Variants in PI4KB observed in about 807,000 individuals in gnomAD.
PI4KB encodes phosphatidylinositol 4-kinase beta.
A neutral mutation model predicts 81.4 loss-of-function variants in PI4KB; 23 were observed. That is an observed-to-expected ratio of 0.28 (90% confidence interval 0.20 to 0.40). PI4KB has a LOEUF of 0.40. Ranked by LOEUF, PI4KB falls within the 10% of genes least tolerant of loss-of-function variation. PI4KB has a pLI of 1.00. For missense variants in PI4KB, 651 were observed against 1,036.6 expected (o/e 0.63, Z 5.11); for synonymous variants, 381 against 406.8 (o/e 0.94, Z 0.76).
chr1:151,303,111 G>A (rs1301203885), intron 6 of PI4KB, among the ~76,000 whole-genome samples: 2 of 147,718 alleles, frequency 1.4e-5, no homozygotes, highest in Non-Finnish European at 3.0e-5. Flanking sequence ...TCATTCTCCT[G>A]CCTCAGCCTC....
intron 9 of PI4KB, among the ~76,000 whole-genome samples, chr1:151,295,080 G>C (rs1484176209): frequency 1.3e-5 from 2 of 152,126 alleles, no homozygotes; most frequent in Non-Finnish European, 2.9e-5. Context: ...GGCTTCAAGG[G>C]GTAAGTTTTA....
At chr1:151,304,987 G>T (rs1454058089) in intron 5 of PI4KB, among the ~76,000 whole-genome samples, 1 of 151,868 alleles carries the variant, frequency 6.6e-6, no homozygotes, top group Admixed American at 6.6e-5. Context: ...ATGCCACCAC[G>T]CCCGGCTAAT....
At chr1:151,311,264 C>T (rs181328947) in intron 2 of PI4KB, among the ~76,000 whole-genome samples, 8 of 150,722 alleles carry the variant, frequency 5.3e-5, no homozygotes, top group Admixed American at 4.0e-4. Flanking sequence ...TTGTGGGGGA[C>T]GTTGAGGTCG....
chr1:151,306,150 C>T lies in PI4KB; in HGVS notation c.1396G>A (p.Glu466Lys), dbSNP rs934121209. The T allele has an allele frequency of 7.4e-6, 12 of 1,613,766 alleles. No individual in the cohort carries two copies. Among genetic ancestry groups the T allele is most frequent in the South Asian group, 1.1e-5 (1 of 91,086 alleles). ...AGCCCTCTCACCTCCACTTGCAGCT[C>T]GCCTATGTCATCCACCGACCAGGCC... ...DEAWSVDDIG[E>K]LQVELPEVHT... is the part of the protein sequence containing the mutation. The change falls in exon 5 of 12, where the codon GAG (glutamate) becomes AAG (lysine). Residue 466 changes from glutamate (E) to lysine (K), a missense_variant. Coordinates refer to ENST00000368873, the MANE Select transcript of PI4KB (RefSeq NM_001369623.2).
chr1:151,324,465 G>C (rs1381922131), intron 1 of PI4KB, among the ~76,000 whole-genome samples: 4 of 152,086 alleles, frequency 2.6e-5, no homozygotes, highest in Non-Finnish European at 4.4e-5. Context: ...AGAAACTCAG[G>C]GCCAGGCAGT....
chr1:151,309,225 T>G (rs1266008725), intron 3 of PI4KB, among the ~76,000 whole-genome samples: 1 of 152,222 alleles, frequency 6.6e-6, no homozygotes, highest in Non-Finnish European at 1.5e-5. Context: ...TCCACTCAGA[T>G]GGCAACTGAT....
intron 2 of PI4KB, among the ~76,000 whole-genome samples, chr1:151,310,571 T>A (rs1317072832): frequency 1.3e-5 from 2 of 152,148 alleles, no homozygotes; most frequent in Non-Finnish European, 2.9e-5. Context: ...GCTCTAAAGC[T>A]GGGTCCCTAG....
intron 4 of PI4KB, 175 bp from the exon 5 acceptor site, chr1:151,306,538 A>G (rs1024074604): frequency 4.0e-5 from 24 of 598,686 alleles, no homozygotes; most frequent in Non-Finnish European, 5.4e-5. Context: ...ATGATCACCT[A>G]TGTAAAGAAT....
At chr1:151,324,850 C>T in intron 1 of PI4KB, 1 of 985,292 alleles carries the variant, frequency 1.0e-6, no homozygotes, top group Non-Finnish European at 1.2e-6. Flanking sequence ...ACCTCTTCCC[C>T]AAATCAAGGA....
chr1:151,298,897 G>A lies in PI4KB; in HGVS notation c.1926C>T (p.Thr642=), dbSNP rs371124316. Reference sequence around the variant, plus strand: ...GCTGTGCACTGAGGAATGCCTCAGTGGTGTAACTGCCGTGCTCCTGTAGGA... The same window carrying A: ...GCTGTGCACTGAGGAATGCCTCAGTAGTGTAACTGCCGTGCTCCTGTAGGA... The part of the protein sequence containing the change: ...DYFLQEHGSY[T]TEAFLSAQRN... Residue 642 remains threonine, a synonymous_variant, in exon 9 of 12, where the codon ACC becomes ACT. Transcript: ENST00000368873. The A allele has an allele frequency of 1.2e-6, 2 of 1,614,054 alleles. No homozygotes were observed. Among genetic ancestry groups the A allele is most frequent in the Non-Finnish European group, 1.7e-6 (2 of 1,179,998 alleles).
At position 151,327,347 on chromosome 1, in the gene PI4KB, C is replaced by A. The variant is rs942483077; in HGVS notation, c.-105G>T. 5.0e-6 allele frequency: 2 copies of A among 397,716 alleles called. No homozygotes were observed. The highest frequency in any genetic ancestry group is 8.9e-6 in the Non-Finnish European group (2 of 225,712). The allele number at this position is 397,716 out of a possible 1,614,324, so 24.6% of individuals were successfully genotyped here. A position where few individuals can be genotyped will look rare whatever the true frequency, so the allele number is the denominator to read the frequency against. ...ACACTGCCGCCTCAGCAGCAGCGAC[C>A]GCTCCCGGGTTCCATTGGCCGCCTG... On this transcript the variant is annotated 5_prime_UTR_variant, in exon 1 of 12. Coordinates refer to ENST00000368873, the MANE Select transcript of PI4KB (RefSeq NM_001369623.2).
chr1:151,293,284 C>T, intron 11 of PI4KB: 1 of 1,392,044 alleles, frequency 7.2e-7, no homozygotes, highest in Non-Finnish European at 9.4e-7. Context: ...CCACATCTCC[C>T]TCAGTAAGGG....
intron 9 of PI4KB, among the ~76,000 whole-genome samples, chr1:151,295,488 G>C (rs1418765855): frequency 6.6e-6 from 1 of 152,234 alleles, no homozygotes; most frequent in East Asian, 1.9e-4. Flanking sequence ...TACAGGTGAA[G>C]AAAACAGAGG....
At chr1:151,326,002 C>A (rs1463758773) in intron 1 of PI4KB, among the ~76,000 whole-genome samples, 1 of 152,098 alleles carries the variant, frequency 6.6e-6, no homozygotes, top group Non-Finnish European at 1.5e-5. Flanking sequence ...CCAGTTATAC[C>A]CTTACCCCAC....
At chr1:151,326,142 A>T (rs769141466) in intron 1 of PI4KB, 7 of 1,609,894 alleles carry the variant, frequency 4.3e-6, no homozygotes, top group Non-Finnish European at 6.0e-6. Context: ...AAAAGCCTAA[A>T]ATTAAATAAT....
intron 1 of PI4KB, among the ~76,000 whole-genome samples, chr1:151,317,949 T>A (rs1472811379): frequency 6.6e-6 from 1 of 151,704 alleles, no homozygotes; most frequent in Non-Finnish European, 1.5e-5. Context: ...GCTAGGACTT[T>A]AGGTGTGTGC....
intron 1 of PI4KB, among the ~76,000 whole-genome samples, chr1:151,316,846 G>A (rs983850882): frequency 2.0e-5 from 3 of 152,048 alleles, no homozygotes; most frequent in Non-Finnish European, 4.4e-5. Context: ...TTGTTGAGAC[G>A]GAGTCTCGCT....
rs755382996 is a variant in PI4KB, at chr1:151,294,082, T to C, written c.2205A>G (p.Gln735=). 1 of 1,614,104 alleles carries C rather than the reference T, an allele frequency of 6.2e-7. No individual in the cohort carries two copies. The change falls in exon 11 of 12, where the codon CAA becomes CAG. Residue 735 remains glutamine (Q), a synonymous_variant. Coordinates refer to ENST00000368873, the MANE Select transcript of PI4KB (RefSeq NM_001369623.2). ...TGTGTTTCCGAGCGGCAATCAGCCC[T>C]TGCAGCATCAGCATCTTATAGTAGT... is the stretch of plus-strand genomic sequence containing the variant. The part of the protein sequence containing the change: ...MFNYYKMLML[Q]GLIAARKHMD...
rs1357061050 is a variant in PI4KB at position 151,315,723 on chromosome 1, C to T, written c.759G>A (p.Glu253=). 2.5e-6 allele frequency: 4 copies of T among 1,614,088 alleles called. No individual in the cohort carries two copies. The highest frequency in any genetic ancestry group is 3.3e-5 in the Admixed American group (2 of 60,004). The change falls in exon 2 of 12, where the codon GAG becomes GAA. Residue 253 remains glutamate, a synonymous_variant. Transcript: ENST00000368873. ...DELKPAHRKR[E]LPSLSPAPDT... ...CAGGGGCCGGGCTCAAGGAGGGCAG[C>T]TCCCTCTTCCTGTGAGCTGGCTTTA...
Sources: allele counts gnomAD v4.1 joint callset (sites outside exome capture counted in the v4.1 genomes callset), GRCh38; gene constraint gnomAD v4.1.1; transcripts MANE v1.5; gene names NCBI Gene and HGNC (gene_info 2026-07-23, HGNC 2026-07-21).